The following VPS29 variants were observed in gnomAD, a reference collection of about 807,000 sequenced individuals.
VPS29 encodes the protein VPS29 retromer complex component.
Under a neutral mutation model 20.0 loss-of-function variants are expected in VPS29, and 2 were observed. That is an observed-to-expected ratio of 0.10 (90% CI 0.04 to 0.31). The LOEUF is 0.31. Among genes scored for constraint, VPS29 ranks in the 10% least tolerant of loss-of-function variants. The probability of loss-of-function intolerance (pLI) is 1.00; values close to 1 mark genes in which losing one functional copy is unlikely to be tolerated. For missense variants in VPS29, 120 were observed against 215.3 expected (o/e 0.56, Z 2.77); for synonymous variants, 81 against 79.3 (o/e 1.02, Z -0.12).
chr12:110,493,269 A>T, intron 2 of VPS29, 38 bp from the exon 3 acceptor site: 1 of 1,372,002 alleles, frequency 7.3e-7, no homozygotes. Flanking sequence ...TATGTATTTT[A>T]GAGATACTGA....
At chr12:110,500,113 A>G (rs997968841) in intron 1 of VPS29, among the ~76,000 whole-genome samples, 3 of 152,224 alleles carry the variant, frequency 2.0e-5, no homozygotes, top group African/African-American at 7.2e-5. Context: ...ATACATTATC[A>G]AGTGTTGAAC....
At chr12:110,496,415 A>C (rs2062907238) in intron 1 of VPS29, 2 of 435,472 alleles carry the variant, frequency 4.6e-6, no homozygotes, top group Non-Finnish European at 4.1e-6. Flanking sequence ...AGGTTTCATC[A>C]TTGATTGTAT....
intron 1 of VPS29, 138 bp from the exon 2 acceptor site, chr12:110,496,341 C>G: frequency 1.4e-6 from 1 of 712,672 alleles, no homozygotes; most frequent in Non-Finnish European, 2.1e-6. Flanking sequence ...CCTATCATGA[C>G]TATTTATTTA....
chr12:110,496,153 C>G lies in VPS29; in HGVS notation c.54G>C (p.Leu18Phe), dbSNP rs758798467. ...CCAGGAGTTTTTTGAATTTAGCTGG[C>G]AAACTGTTGCACCGGTGTGGGATGT... ...DLHIPHRCNS[L>F]PAKFKKLLVP... is the part of the protein sequence containing the mutation. Residue 18 changes from leucine (L) to phenylalanine (F), a missense_variant, in exon 2 of 4, where the codon TTG becomes TTC. Coordinates refer to ENST00000549578, the MANE Select transcript of VPS29 (RefSeq NM_016226.5). 52 of 1,613,866 alleles carry G rather than the reference C, an allele frequency of 3.2e-5. No homozygotes were observed. Among genetic ancestry groups the G allele is most frequent in the Non-Finnish European group, 4.3e-5 (51 of 1,179,906 alleles).
Position 110,501,404 on chromosome 12 carries a change from T to G in VPS29, c.3+645A>C, listed in dbSNP as rs1347565403. 3 of 1,535,150 alleles carry G rather than the reference T, an allele frequency of 2.0e-6. No homozygotes were observed. The East Asian group carries it at 7.3e-5, about 38-fold the overall frequency. ...CAGTTTCAATGAGTTCACACATCATTAAGGAATCCTACCCTAAAGAGGCGT... is the reference window on the plus strand; with the variant it reads ...CAGTTTCAATGAGTTCACACATCATGAAGGAATCCTACCCTAAAGAGGCGT... On this transcript the variant is annotated intron_variant, in intron 1 of 3. Transcript: ENST00000549578.
chr12:110,501,154 G>A (rs2063025354), intron 1 of VPS29, among the ~76,000 whole-genome samples: 1 of 152,092 alleles, frequency 6.6e-6, no homozygotes, highest in African/African-American at 2.4e-5. Flanking sequence ...CTCCAGCCTG[G>A]GCGACAGAGC....
intron 1 of VPS29, chr12:110,499,613 T>C (rs1405046654): frequency 2.4e-6 from 3 of 1,250,642 alleles, no homozygotes; most frequent in Non-Finnish European, 3.4e-6. Flanking sequence ...ACATGACCAA[T>C]GTTAAAAGAA....
Position 110,491,164 on chromosome 12 carries a change from C to T in VPS29, c.*841G>A, listed in dbSNP as rs1406303197. 6.6e-6 allele frequency: 1 copy of T among 151,414 alleles called. No individual in the cohort carries two copies. The highest frequency in any genetic ancestry group is 1.5e-5 in the Non-Finnish European group (1 of 67,888). 9.4% of individuals were successfully genotyped at this position (151,414 alleles called of 1,614,324 possible). On this transcript the variant is annotated 3_prime_UTR_variant, in exon 4 of 4. Coordinates refer to ENST00000549578, the MANE Select transcript of VPS29 (RefSeq NM_016226.5). ...GTGTGATCTCGGCTCACTGCAACCT[C>T]CAACTCCAGGATTCAAGTGATTCTA... is the stretch of plus-strand genomic sequence containing the variant.
At position 110,493,250 on chromosome 12, in the gene VPS29, G is replaced by A. The variant is rs200595233; in HGVS notation, c.196-19C>T. The A allele has an allele frequency of 1.6e-5, 23 of 1,433,470 alleles. No homozygotes were observed. The highest frequency in any genetic ancestry group is 1.8e-4 in the Middle Eastern group (1 of 5,464). The allele number at this position is 1,433,470 out of a possible 1,614,324, so 88.8% of individuals were successfully genotyped here. A position where few individuals can be genotyped will look rare whatever the true frequency, so the allele number is the denominator to read the frequency against. On this transcript the variant is annotated intron_variant, in intron 2 of 3. Transcript: ENST00000549578. ...TCAGATTCTAACATAAGAAAAAGAC[G>A]TAAGAAAATATGTATTTTAGAGATA...
At chr12:110,492,858 A>G (rs1296254667) in intron 3 of VPS29, 138 bp downstream of exon 3, 3 of 770,942 alleles carry the variant, frequency 3.9e-6, no homozygotes, top group Non-Finnish European at 6.1e-6. Flanking sequence ...TCCTGGGCTC[A>G]AGCAACCTGC....
intron 1 of VPS29, 58 bp downstream of exon 1, chr12:110,501,991 A>C (rs750442674): frequency 1.9e-6 from 3 of 1,612,804 alleles, no homozygotes; most frequent in Admixed American, 3.3e-5. Flanking sequence ...CACGGCTCCC[A>C]ACAACGCAGC....
At position 110,499,651 on chromosome 12, in the gene VPS29, A is replaced by G. The variant is rs528782291; in HGVS notation, c.3+2398T>C. 975 of 841,096 alleles carry G rather than the reference A, an allele frequency of 1.2e-3. 2 individuals are homozygous for G. The highest frequency in any genetic ancestry group is 1.7e-3 in the Non-Finnish European group (876 of 529,864). The allele number at this position is 841,096 out of a possible 1,614,324, so 52.1% of individuals were successfully genotyped here. On this transcript the variant is annotated intron_variant, in intron 1 of 3. Coordinates refer to ENST00000549578, the MANE Select transcript of VPS29 (RefSeq NM_016226.5). The stretch of plus-strand genomic sequence containing the variant: ...CAACAAAAAGAAACCAAAAAAAAAA[A>G]AGAGAACAAAAAACCCATACCAAAT...
chr12:110,498,757 C>T, intron 1 of VPS29: 3 of 822,200 alleles, frequency 3.6e-6, no homozygotes, highest in Non-Finnish European at 2.9e-6. Context: ...GTGGACAAAA[C>T]ATCTGTAAAA....
At position 110,491,835 on chromosome 12, in the gene VPS29, T is replaced by G; in HGVS notation, c.*170A>C. 4 of 592,952 alleles carry G rather than the reference T, an allele frequency of 6.7e-6. No homozygotes were observed. The South Asian group carries it at 8.3e-5, about 12-fold the overall frequency. The allele number at this position is 592,952 out of a possible 1,614,324, so 36.7% of individuals were successfully genotyped here. ...ATATACTGTAAACTAAATATATTCTTATAGTTTACAGGAAGCTTGGAGCAA... is the reference window on the plus strand; with the variant it reads ...ATATACTGTAAACTAAATATATTCTGATAGTTTACAGGAAGCTTGGAGCAA... On this transcript the variant is annotated 3_prime_UTR_variant, in exon 4 of 4. Transcript: ENST00000549578.
At position 110,501,062 on chromosome 12, in the gene VPS29, T is replaced by C. The variant is rs566773369; in HGVS notation, c.3+987A>G. Among the ~76,000 whole-genome samples, 3 of 152,082 alleles carry C rather than the reference T, an allele frequency of 2.0e-5. No individual in the cohort carries two copies. In the South Asian group the frequency reaches 6.2e-4, roughly 32 times the overall value. On this transcript the variant is annotated intron_variant, in intron 1 of 3. Coordinates refer to ENST00000549578, the MANE Select transcript of VPS29 (RefSeq NM_016226.5). ...CGGGCTTGGTGGCGGGCGCCTGTAA[T>C]CCCAGCTACTCGGGAGGCTGAGGCA...
chr12:110,491,779 A>G lies in VPS29; in HGVS notation c.*226T>C. 2.4e-6 allele frequency: 1 copy of G among 421,198 alleles called. No homozygotes were observed. Among genetic ancestry groups the G allele is most frequent in the Admixed American group, 4.2e-5 (1 of 23,736 alleles). The allele number at this position is 421,198 out of a possible 1,614,324, so 26.1% of individuals were successfully genotyped here. ...AATTTTTCTTAACAAGTGACCAATT[A>G]CTGTGTTGTGGACATTTTTTCATAG... On this transcript the variant is annotated 3_prime_UTR_variant, in exon 4 of 4. Transcript: ENST00000549578.
chr12:110,500,804 A>C (rs1031172216), intron 1 of VPS29, among the ~76,000 whole-genome samples: 1 of 152,012 alleles, frequency 6.6e-6, no homozygotes, highest in Non-Finnish European at 1.5e-5. Context: ...GAGCGAAAGA[A>C]CAAAGCTTAC....
chr12:110,499,944 A>C (rs2062974520), intron 1 of VPS29, among the ~76,000 whole-genome samples: 1 of 152,230 alleles, frequency 6.6e-6, no homozygotes, highest in African/African-American at 2.4e-5. Context: ...TGGAAAATTT[A>C]TCATCAGTAA....
At chr12:110,501,309 G>A in intron 1 of VPS29, 1 of 1,420,320 alleles carries the variant, frequency 7.0e-7, no homozygotes, top group African/African-American at 1.4e-5. Context: ...GGTGGCTGGG[G>A]GAGACTAGGT....
Sources: gnomAD v4.1 joint callset for allele counts (sites outside exome capture counted in the v4.1 genomes callset) on GRCh38, gnomAD v4.1.1 for gene constraint, MANE v1.5 for transcripts, NCBI Gene and HGNC (gene_info 2026-07-23, HGNC 2026-07-21) for gene names.